The following TAFA1 variants were observed in gnomAD, a reference collection of about 807,000 sequenced individuals.
TAFA1 encodes chemokine-like protein TAFA-1.
A neutral mutation model predicts 18.5 loss-of-function variants in TAFA1; 4 were observed. That is an observed-to-expected ratio of 0.22 (90% CI 0.11 to 0.49). The LOEUF is 0.49. TAFA1 is among the 20% of genes least tolerant of loss of function. The pLI is 0.98. For synonymous variants in TAFA1, 56 were observed against 55.2 expected, an observed-to-expected ratio of 1.01 and a Z score of -0.06; for missense variants, 147 against 169.0, an observed-to-expected ratio of 0.87 and a Z score of 0.72.
In TAFA1 at chr3:68,142,645, G is replaced by T. The variant is rs2065681940; in HGVS notation, c.118+135901G>T. ...AAAACCTCCTACTCTAACAGGGTGG[G>T]CTAAAGAAGTTCCTGTTAAAACAGA... On this transcript the variant is annotated intron_variant, in intron 2 of 4. Transcript: ENST00000478136. Among the ~76,000 whole-genome samples the T allele has an allele frequency of 2.0e-5, 3 of 152,320 alleles. No individual in the cohort carries two copies. In the South Asian group the frequency reaches 6.2e-4, roughly 32 times the overall value.
At chr3:68,044,877 C>T (rs1020649115) in intron 2 of TAFA1, among the ~76,000 whole-genome samples, 8 of 152,164 alleles carry the variant, frequency 5.3e-5, no homozygotes, top group African/African-American at 1.7e-4. Flanking sequence ...AAATTACTGA[C>T]ATATAGAAGT....
intron 2 of TAFA1, among the ~76,000 whole-genome samples, chr3:68,119,422 T>C (rs1291820875): frequency 6.6e-6 from 1 of 152,198 alleles, no homozygotes; most frequent in Non-Finnish European, 1.5e-5. Flanking sequence ...CTTTTGTTGC[T>C]TGTGCTCTTG....
intron 2 of TAFA1, among the ~76,000 whole-genome samples, chr3:68,139,302 T>G (rs1045948950): frequency 1.3e-5 from 2 of 152,112 alleles, no homozygotes; most frequent in Admixed American, 1.3e-4. Flanking sequence ...GAAGTTAGAG[T>G]TGGGAATAGG....
At chr3:68,449,631 C>A (rs527541577) in intron 3 of TAFA1, among the ~76,000 whole-genome samples, 1 of 152,242 alleles carries the variant, frequency 6.6e-6, no homozygotes, top group Non-Finnish European at 1.5e-5. Context: ...TCTCTGAGTC[C>A]ATATTGCACA....
At chr3:68,022,483 TG>T (rs1029935376) in intron 2 of TAFA1, among the ~76,000 whole-genome samples, 1 of 151,748 alleles carries the variant, frequency 6.6e-6, no homozygotes, top group Non-Finnish European at 1.5e-5. Context: ...GGGCTGTTGG[TG>T]GGGGGAAGGG....
At chr3:68,330,691 G>T (rs777735695) in intron 2 of TAFA1, among the ~76,000 whole-genome samples, 14 of 152,148 alleles carry the variant, frequency 9.2e-5, no homozygotes, top group Non-Finnish European at 1.5e-4. Context: ...GTAGAACTGG[G>T]ATTGGAATCA....
intron 2 of TAFA1, among the ~76,000 whole-genome samples, chr3:68,103,480 T>A (rs369916224): frequency 1.1e-4 from 17 of 152,314 alleles, no homozygotes; most frequent in African/African-American, 4.1e-4. Flanking sequence ...GGAAAATACA[T>A]CTTTATTATT....
chr3:68,486,754 T>G (rs576690849), intron 3 of TAFA1, among the ~76,000 whole-genome samples: 1 of 152,274 alleles, frequency 6.6e-6, no homozygotes, highest in Admixed American at 6.5e-5. Context: ...AGGTAAGCAT[T>G]CAGTTAATTA....
At chr3:68,085,338 C>T (rs1161672259) in intron 2 of TAFA1, among the ~76,000 whole-genome samples, 1 of 152,172 alleles carries the variant, frequency 6.6e-6, no homozygotes, top group Non-Finnish European at 1.5e-5. Context: ...TCATTAGAAA[C>T]CCCTAAACAT....
chr3:68,159,356 C>T (rs537209267), intron 2 of TAFA1, among the ~76,000 whole-genome samples: 170 of 151,868 alleles, frequency 1.1e-3, no homozygotes, highest in African/African-American at 4.0e-3. Context: ...AAATTGTGCT[C>T]CTTGAAAAAA....
At chr3:68,223,045 T>C (rs1194946146) in intron 2 of TAFA1, among the ~76,000 whole-genome samples, 1 of 152,130 alleles carries the variant, frequency 6.6e-6, no homozygotes, top group Non-Finnish European at 1.5e-5. Flanking sequence ...TTCCCACAAA[T>C]ATGACAATGC....
chr3:68,062,601 T>G (rs895923729), intron 2 of TAFA1, among the ~76,000 whole-genome samples: 1 of 152,204 alleles, frequency 6.6e-6, no homozygotes, highest in Non-Finnish European at 1.5e-5. Context: ...TACATATGCA[T>G]GACCCTAGGG....
At chr3:68,018,916 T>C (rs575424996) in intron 2 of TAFA1, among the ~76,000 whole-genome samples, 10 of 152,222 alleles carry the variant, frequency 6.6e-5, no homozygotes, top group Non-Finnish European at 1.5e-4. Flanking sequence ...ATGTTTCTTA[T>C]GATATGACAT....
chr3:68,119,579 T>C (rs201649465), intron 2 of TAFA1, among the ~76,000 whole-genome samples: 1 of 151,886 alleles, frequency 6.6e-6, no homozygotes, highest in Non-Finnish European at 1.5e-5. Context: ...TTCGTTTTTT[T>C]TTTCTTTTTG....
At chr3:68,312,046 G>T (rs541511653) in intron 2 of TAFA1, among the ~76,000 whole-genome samples, 1 of 152,172 alleles carries the variant, frequency 6.6e-6, no homozygotes, top group Non-Finnish European at 1.5e-5. Context: ...AGCTGCCAAG[G>T]CTTGCAGCTT....
chr3:68,282,452 C>T (rs1366235816), intron 2 of TAFA1, among the ~76,000 whole-genome samples: 1 of 152,082 alleles, frequency 6.6e-6, no homozygotes, highest in African/African-American at 2.4e-5. Flanking sequence ...CAGTAAAACA[C>T]AGCCATTTGT....
At chr3:68,248,748 G>A (rs1227990226) in intron 2 of TAFA1, among the ~76,000 whole-genome samples, 1 of 68,176 alleles carries the variant, frequency 1.5e-5, no homozygotes, top group African/African-American at 5.6e-5. Context: ...GGGGGCGGGG[G>A]CTGGGGGTGG....
chr3:68,130,359 A>G (rs2065521636), intron 2 of TAFA1, among the ~76,000 whole-genome samples: 1 of 152,196 alleles, frequency 6.6e-6, no homozygotes. Context: ...GTAAAAGGCA[A>G]ATGTGGTTCT....
chr3:68,328,910 T>C (rs2068816955), intron 2 of TAFA1, among the ~76,000 whole-genome samples: 1 of 152,006 alleles, frequency 6.6e-6, no homozygotes, highest in African/African-American at 2.4e-5. Context: ...TAAAAAATGT[T>C]ATGAAATAAA....
Sources: gnomAD v4.1 joint callset for allele counts (sites outside exome capture counted in the v4.1 genomes callset) on GRCh38, gnomAD v4.1.1 for gene constraint, MANE v1.5 for transcripts, NCBI Gene and HGNC (gene_info 2026-07-23, HGNC 2026-07-21) for gene names.